The following SYNRG variants were observed in gnomAD, a reference collection of about 807,000 sequenced individuals.
SYNRG encodes the protein AP1 gamma subunit binding protein 1.
A neutral mutation model predicts 130.9 loss-of-function variants in SYNRG; 37 were observed. The observed-to-expected ratio is 0.28, with a 90% CI of 0.22 to 0.37. The LOEUF (loss-of-function observed/expected upper bound fraction) is 0.37. Ranked by LOEUF, SYNRG falls within the 10% of genes least tolerant of loss-of-function variation. SYNRG has a pLI of 1.00. For synonymous variants in SYNRG, 539 were observed against 568.1 expected (o/e 0.95, Z 0.73); for missense variants, 1,338 against 1,588.9 (o/e 0.84, Z 2.68).
intron 5 of SYNRG, 97 bp from the exon 6 acceptor site, chr17:37,584,856 C>A: frequency 1.1e-6 from 1 of 908,256 alleles, no homozygotes; most frequent in Non-Finnish European, 1.7e-6. Flanking sequence ...CATCTATTTC[C>A]AATATTTTTA....
intron 19 of SYNRG, among the ~76,000 whole-genome samples, chr17:37,534,483 C>T (rs2056998580): frequency 2.0e-5 from 3 of 152,064 alleles, no homozygotes; most frequent in African/African-American, 7.2e-5. Flanking sequence ...CCTCAGCCTC[C>T]CCAAAGTGCT....
intron 19 of SYNRG, among the ~76,000 whole-genome samples, chr17:37,524,614 T>A (rs2158235): frequency 5.3e-5 from 8 of 152,118 alleles, no homozygotes; most frequent in Non-Finnish European, 8.8e-5. Context: ...GTAGTGCAAC[T>A]GTGGTCACTC....
At chr17:37,545,479 A>G (rs556785790) in intron 14 of SYNRG, among the ~76,000 whole-genome samples, 2 of 152,208 alleles carry the variant, frequency 1.3e-5, no homozygotes, top group African/African-American at 4.8e-5. Context: ...TCAAGATATT[A>G]CTATGGTAAT....
chr17:37,531,976 A>G (rs558169821), intron 19 of SYNRG, among the ~76,000 whole-genome samples: 13 of 152,168 alleles, frequency 8.5e-5, no homozygotes, highest in African/African-American at 2.9e-4. Context: ...TTGGACTTTC[A>G]GGTTGTCTCT....
Position 37,542,390 on chromosome 17 carries a change from C to T in SYNRG, c.2784G>A (p.Lys928=), listed in dbSNP as rs1214804145. 1.9e-6 allele frequency: 3 copies of T among 1,614,018 alleles called. No homozygotes were observed. The highest frequency in any genetic ancestry group is 2.5e-6 in the Non-Finnish European group (3 of 1,180,032). ...CAGAACTGCCAAATGAAGTCTCTTT[C>T]TTTTGAAGAATTGAGGTGGCTGAGG... The part of the protein sequence containing the change: ...GSPSATSILQ[K]KETSFGSSEN... The change falls in exon 15 of 22, where the codon AAG becomes AAA. Residue 928 remains lysine (K), a synonymous_variant. Coordinates refer to ENST00000612223, the MANE Select transcript of SYNRG (RefSeq NM_007247.6).
intron 3 of SYNRG, among the ~76,000 whole-genome samples, chr17:37,589,308 A>T (rs1382225221): frequency 6.6e-6 from 1 of 152,250 alleles, no homozygotes; most frequent in African/African-American, 2.4e-5. Flanking sequence ...TGCTTATTTC[A>T]GGCTAGATAA....
At chr17:37,529,542 AAAAAAAAAAAAAAG>A (rs1391364331) in intron 19 of SYNRG, among the ~76,000 whole-genome samples, 4 of 121,758 alleles carry the variant, frequency 3.3e-5, no homozygotes, top group Non-Finnish European at 7.4e-5. Flanking sequence ...ATTTTACAAA[AAAAAAAAAAAAAAG>A]AAAAGAAAAG....
rs1301728080 is a variant in SYNRG at position 37,515,931 on chromosome 17, A to G, written c.*3009T>C. On this transcript the variant is annotated 3_prime_UTR_variant, in exon 22 of 22. Transcript: ENST00000612223. Reference sequence around the variant, plus strand: ...CTTCAAATATGTATATGTACACAAAATATTCAAATAATTAAAAATTCACAA... The same window carrying G: ...CTTCAAATATGTATATGTACACAAAGTATTCAAATAATTAAAAATTCACAA... 1.3e-5 allele frequency: 2 copies of G among 152,242 alleles called. No homozygotes were observed. The highest frequency in any genetic ancestry group is 2.9e-5 in the Non-Finnish European group (2 of 68,036). The allele number at this position is 152,242 out of a possible 1,614,324, so 9.4% of individuals were successfully genotyped here.
chr17:37,568,759 T>C (rs1888571019), intron 11 of SYNRG, 32 bp downstream of exon 11: 2 of 1,603,472 alleles, frequency 1.2e-6, no homozygotes, highest in Non-Finnish European at 1.7e-6. Context: ...AATGGTTAAA[T>C]GCAATGTTAA....
chr17:37,604,912 A>C (rs1364674254), intron 1 of SYNRG, among the ~76,000 whole-genome samples: 3 of 152,224 alleles, frequency 2.0e-5, no homozygotes, highest in African/African-American at 7.2e-5. Flanking sequence ...AGACTGCACA[A>C]AACATTTATC....
At position 37,568,927 on chromosome 17, in the gene SYNRG, AG is replaced by A; in HGVS notation, c.1348-4del. 1 of 1,607,012 alleles carries A rather than the reference AG, an allele frequency of 6.2e-7. No individual in the cohort carries two copies. The highest frequency in any genetic ancestry group is 8.5e-7 in the Non-Finnish European group (1 of 1,177,508). On this transcript the variant is annotated splice_polypyrimidine_tract_variant and splice_region_variant and intron_variant, in intron 10 of 21. Transcript: ENST00000612223. Reference sequence around the variant, plus strand: ...TCATCTTCTTCTGGCTTTACTACCTAGGTTTATAAAGGTCATTTAAATAAAT... The same window carrying A: ...TCATCTTCTTCTGGCTTTACTACCTAGTTTATAAAGGTCATTTAAATAAAT...
chr17:37,600,650 C>T (rs909193738), intron 1 of SYNRG: 15 of 606,814 alleles, frequency 2.5e-5, no homozygotes, highest in African/African-American at 5.6e-5. Context: ...TCTGTCACTT[C>T]GTGTCCTCTC....
intron 1 of SYNRG, among the ~76,000 whole-genome samples, chr17:37,602,447 G>A (rs1044708243): frequency 6.6e-6 from 1 of 152,184 alleles, no homozygotes; most frequent in Non-Finnish European, 1.5e-5. Flanking sequence ...TGAAAACTGA[G>A]TAGGAAATGG....
intron 4 of SYNRG, 144 bp downstream of exon 4, chr17:37,586,275 T>G: frequency 1.6e-6 from 2 of 1,234,760 alleles, no homozygotes; most frequent in Non-Finnish European, 2.2e-6. Flanking sequence ...ATTATAGGCA[T>G]GAACCACTGG....
At chr17:37,550,389 C>A (rs2145242184) in intron 14 of SYNRG, among the ~76,000 whole-genome samples, 1 of 152,218 alleles carries the variant, frequency 6.6e-6, no homozygotes, top group East Asian at 1.9e-4. Flanking sequence ...CGAAACAAAA[C>A]AAAAGGGGAA....
intron 21 of SYNRG, among the ~76,000 whole-genome samples, chr17:37,519,347 G>A (rs1433071949): frequency 1.6e-4 from 24 of 152,140 alleles, no homozygotes; most frequent in Admixed American, 1.4e-3. Context: ...GGTGGAGGGG[G>A]GGAATCATGA....
chr17:37,543,257 T>G (rs909450137), intron 14 of SYNRG, among the ~76,000 whole-genome samples: 2 of 151,992 alleles, frequency 1.3e-5, no homozygotes, highest in African/African-American at 2.4e-5. Context: ...AAAAATACAA[T>G]AAAAAGATCT....
chr17:37,565,961 TG>T (rs1189686366), intron 11 of SYNRG, among the ~76,000 whole-genome samples: 8 of 134,988 alleles, frequency 5.9e-5, no homozygotes, highest in African/African-American at 1.8e-4. Context: ...GGGAGGGAGG[TG>T]GGGGGGTCAG....
intron 6 of SYNRG, among the ~76,000 whole-genome samples, chr17:37,580,478 C>CGTGTGTGTGT (rs1341679385): frequency 0.093 from 11,227 of 120,828 alleles, 669 homozygotes; most frequent in East Asian, 0.37. Context: ...CTTTGTATTT[C>CGTGTGTGTGT]GTGTGTGTGT....
Sources: gnomAD v4.1 joint callset for allele counts (sites outside exome capture counted in the v4.1 genomes callset) on GRCh38, gnomAD v4.1.1 for gene constraint, MANE v1.5 for transcripts, NCBI Gene and HGNC (gene_info 2026-07-23, HGNC 2026-07-21) for gene names.